Variants in SEC23IP observed in about 807,000 individuals in gnomAD.
SEC23IP encodes SEC23 interacting protein, also known as SEC23-interacting protein.
SEC23IP carries 70 observed loss-of-function variants against 113.4 expected under a neutral mutation model. The ratio of observed to expected loss-of-function variants is 0.62; its 90% CI spans 0.51 to 0.75. The LOEUF (loss-of-function observed/expected upper bound fraction) is 0.75, where lower values mean the gene tolerates loss of function less well. SEC23IP is among the 30% of genes least tolerant of loss of function. SEC23IP has a pLI of 0.00. For synonymous variants in SEC23IP, 398 were observed against 421.0 expected, an observed-to-expected ratio of 0.95 and a Z score of 0.67; for missense variants, 1,160 against 1,204.9, an observed-to-expected ratio of 0.96 and a Z score of 0.55.
At chr10:119,935,971 A>G (rs72826466) in intron 18 of SEC23IP, among the ~76,000 whole-genome samples, 13,550 of 152,326 alleles carry the variant, frequency 0.089, 690 homozygotes, top group South Asian at 0.17. Flanking sequence ...CTATTGCACC[A>G]TAATCTGTTT....
rs1854345230 is a variant in SEC23IP, at chr10:119,898,213, C to G, written c.164-214C>G. 8 of 844,394 alleles carry G rather than the reference C, an allele frequency of 9.5e-6. No homozygotes were observed. In the South Asian group the frequency reaches 2.6e-4, roughly 27 times the overall value. The allele number at this position is 844,394 out of a possible 1,614,324, so 52.3% of individuals were successfully genotyped here. A position where few individuals can be genotyped will look rare whatever the true frequency, so the allele number is the denominator to read the frequency against. On this transcript the variant is annotated intron_variant, in intron 1 of 18. Coordinates refer to ENST00000369075, the MANE Select transcript of SEC23IP (RefSeq NM_007190.4). ...GCTTATGAATGAATTATAATTGTTT[C>G]CTCTTATGTTTTCTTATTCATGTTT...
At chr10:119,894,886 G>T (rs12784645) in intron 1 of SEC23IP, among the ~76,000 whole-genome samples, 1 of 140,494 alleles carries the variant, frequency 7.1e-6, no homozygotes, top group Non-Finnish European at 1.5e-5. Context: ...GTTTCTTGGA[G>T]ACAGTCTGTG....
intron 18 of SEC23IP, among the ~76,000 whole-genome samples, chr10:119,934,038 C>T (rs1425849337): frequency 6.6e-6 from 1 of 152,088 alleles, no homozygotes; most frequent in African/African-American, 2.4e-5. Flanking sequence ...AATAGATTCC[C>T]AAGAATATCA....
rs754945850 is a variant in SEC23IP at position 119,904,266 on chromosome 10, G to GA, written c.1095dup (p.Leu366ThrfsTer4). 2.5e-6 allele frequency: 4 copies of GA among 1,614,092 alleles called. No individual in the cohort carries two copies. The highest frequency in any genetic ancestry group is 3.4e-6 in the Non-Finnish European group (4 of 1,179,948). On this transcript the variant is annotated frameshift_variant, in exon 4 of 19. Coordinates refer to ENST00000369075, the MANE Select transcript of SEC23IP (RefSeq NM_007190.4). LOFTEE classifies it high-confidence loss of function. ...TATTCCCTATACTGAGGAGTTCAGT[G>GA]AAAAACTAGAGGTACGGGTGCTTTA... is the stretch of plus-strand genomic sequence containing the variant.
intron 15 of SEC23IP, 129 bp downstream of exon 15, chr10:119,930,560 TTTAAAC>T (rs1350044528): frequency 2.0e-6 from 1 of 492,946 alleles, no homozygotes; most frequent in Non-Finnish European, 3.6e-6. Context: ...GTTCAGAACT[TTTAAAC>T]TAAGAATTTG....
intron 2 of SEC23IP, among the ~76,000 whole-genome samples, chr10:119,901,669 T>C (rs1352861351): frequency 6.6e-6 from 1 of 152,200 alleles, no homozygotes; most frequent in East Asian, 1.9e-4. Context: ...ATGTATATCC[T>C]TGGGGATAAC....
intron 4 of SEC23IP, 106 bp downstream of exon 4, chr10:119,904,383 C>A: frequency 1.0e-6 from 1 of 963,080 alleles, no homozygotes; most frequent in Non-Finnish European, 1.6e-6. Flanking sequence ...TACAAGACAG[C>A]TTGTTTTGAT....
rs751256373 is a variant in SEC23IP at position 119,929,685 on chromosome 10, A to C, written c.2392A>C (p.Thr798Pro). The change falls in exon 14 of 19, where the codon ACT becomes CCT. Residue 798 changes from threonine to proline, a missense_variant. Thr to Pro is a conservative substitution (Grantham distance 38). Transcript: ENST00000369075. ...GGGGTCTCCAATTGCTATGTTTCTC[A>C]CTATTCGAGGAGTTGATAGGATAGA... ...ALGSPIAMFLTIRGVDRIDEN... is the reference protein window; with the variant it reads ...ALGSPIAMFLPIRGVDRIDEN... The C allele has an allele frequency of 1.2e-6, 2 of 1,603,788 alleles. No individual in the cohort carries two copies. Among genetic ancestry groups the C allele is most frequent in the South Asian group, 2.2e-5 (2 of 90,876 alleles).
chr10:119,918,960 G>A lies in SEC23IP; in HGVS notation c.1872+449G>A, dbSNP rs984074691. 2.7e-5 allele frequency among the ~76,000 whole-genome samples: 4 copies of A among 150,728 alleles called. No homozygotes were observed. The Admixed American group carries it at 2.7e-4, about 10-fold the overall frequency. Reference sequence around the variant, plus strand: ...AATTATAGGAAATGGAGACTTGAGTGATTTATTAAATTTATATACTTTTCA... The same window carrying A: ...AATTATAGGAAATGGAGACTTGAGTAATTTATTAAATTTATATACTTTTCA... On this transcript the variant is annotated intron_variant, in intron 10 of 18. Transcript: ENST00000369075.
At chr10:119,921,093 C>T in intron 12 of SEC23IP, 109 bp downstream of exon 12, 1 of 698,756 alleles carries the variant, frequency 1.4e-6, no homozygotes, top group Non-Finnish European at 2.4e-6. Context: ...AGTTTGCTCC[C>T]TACCTAGGGC....
At chr10:119,924,817 A>G (rs1855368740) in intron 12 of SEC23IP, among the ~76,000 whole-genome samples, 2 of 151,470 alleles carry the variant, frequency 1.3e-5, no homozygotes, top group South Asian at 2.1e-4. Context: ...TCACTCTGTC[A>G]CTCAGGCTGG....
At chr10:119,908,642 A>G (rs538220109) in intron 4 of SEC23IP, among the ~76,000 whole-genome samples, 3 of 152,352 alleles carry the variant, frequency 2.0e-5, no homozygotes, top group Admixed American at 2.0e-4. Context: ...AGCTAGGAAG[A>G]GGGAAGGAGG....
rs762112288 is a variant in SEC23IP, at chr10:119,904,274, A to G, written c.1098A>G (p.Leu366=). Residue 366 remains leucine (L), a synonymous_variant, in exon 4 of 19, where the codon CTA becomes CTG. Coordinates refer to ENST00000369075, the MANE Select transcript of SEC23IP (RefSeq NM_007190.4). ...IPYTEEFSEK[L]EAEYKKAVTT... is the part of the protein sequence containing the mutation. ...ATACTGAGGAGTTCAGTGAAAAACT[A>G]GAGGTACGGGTGCTTTATTTCTTTA... The G allele has an allele frequency of 1.9e-5, 31 of 1,613,834 alleles. No individual in the cohort carries two copies. Among genetic ancestry groups the G allele is most frequent in the African/African-American group, 2.7e-5 (2 of 74,940 alleles).
At chr10:119,895,413 A>G (rs1022080361) in intron 1 of SEC23IP, among the ~76,000 whole-genome samples, 2 of 152,100 alleles carry the variant, frequency 1.3e-5, no homozygotes, top group South Asian at 2.1e-4. Context: ...AGCAGTTTCT[A>G]TTTGCCAGGC....
chr10:119,925,244 ACTC>A lies in SEC23IP; in HGVS notation c.2122-786_2122-784del, dbSNP rs369000829. Among the ~76,000 whole-genome samples the A allele has an allele frequency of 2.6e-3, 399 of 152,000 alleles. 3 individuals carry two copies. Among genetic ancestry groups the A allele is most frequent in the African/African-American group, 9.1e-3 (378 of 41,436 alleles). On this transcript the variant is annotated intron_variant, in intron 12 of 18. Transcript: ENST00000369075. ...GCTCCCTCATGCTTCTTTCTAGTTA[ACTC>A]CTCCTACCACAAAACCACTCTTCTG...
intron 18 of SEC23IP, among the ~76,000 whole-genome samples, chr10:119,938,884 A>G (rs934956556): frequency 7.2e-5 from 11 of 152,220 alleles, no homozygotes; most frequent in Non-Finnish European, 1.5e-4. Context: ...ATACTATACT[A>G]ATGTCATAAG....
intron 13 of SEC23IP, 110 bp from the exon 14 acceptor site, chr10:119,929,497 G>A (rs1855523880): frequency 1.2e-6 from 1 of 844,828 alleles, no homozygotes; most frequent in Non-Finnish European, 1.9e-6. Flanking sequence ...GCCTCCCAAA[G>A]TGCTGGGATT....
chr10:119,898,219 A>T (rs1460178216), intron 1 of SEC23IP: 1 of 897,512 alleles, frequency 1.1e-6, no homozygotes, highest in Non-Finnish European at 1.5e-6. Context: ...GTTTCCTCTT[A>T]TGTTTTCTTA....
chr10:119,933,849 G>A, intron 18 of SEC23IP, 62 bp downstream of exon 18: 1 of 830,964 alleles, frequency 1.2e-6, no homozygotes, highest in Non-Finnish European at 1.9e-6. Context: ...TCTGTTGTAT[G>A]GAGTTGATGT....
Sources: allele counts gnomAD v4.1 joint callset (sites outside exome capture counted in the v4.1 genomes callset), GRCh38; gene constraint gnomAD v4.1.1; transcripts MANE v1.5; gene names NCBI Gene and HGNC (gene_info 2026-07-23, HGNC 2026-07-21).